ADGRL3: variants seen among roughly 807,000 people sequenced by gnomAD.
The protein encoded by ADGRL3 is calcium-independent alpha-latrotoxin receptor 3.
A neutral mutation model predicts 153.5 loss-of-function variants in ADGRL3; 62 were observed. The observed-to-expected ratio is 0.40, with a 90% CI of 0.33 to 0.50. The LOEUF (loss-of-function observed/expected upper bound fraction) is 0.50, where lower values mean the gene tolerates loss of function less well. ADGRL3 is among the 20% of genes least tolerant of loss of function. ADGRL3 has a pLI of 0.47. For missense variants in ADGRL3, 1,641 were observed against 1,859.4 expected, an observed-to-expected ratio of 0.88 and a Z score of 2.16; for synonymous variants, 710 against 672.5, an observed-to-expected ratio of 1.06 and a Z score of -0.86.
intron 5 of ADGRL3, among the ~76,000 whole-genome samples, chr4:61,615,937 C>T (rs2091950431): frequency 6.6e-6 from 1 of 152,046 alleles, no homozygotes; most frequent in South Asian, 2.1e-4. Flanking sequence ...AACAAACTTG[C>T]TCTATAATGA....
At chr4:61,941,312 C>G (rs1163774517) in intron 15 of ADGRL3, among the ~76,000 whole-genome samples, 5 of 125,064 alleles carry the variant, frequency 4.0e-5, no homozygotes, top group Non-Finnish European at 6.5e-5. Flanking sequence ...GGTACCAGTA[C>G]CATGCTGTTT....
chr4:62,025,548 C>G (rs989304207), intron 21 of ADGRL3, among the ~76,000 whole-genome samples: 1 of 152,060 alleles, frequency 6.6e-6, no homozygotes, highest in Non-Finnish European at 1.5e-5. Context: ...CTGCTGGCTC[C>G]TTTTCGAATA....
At chr4:61,563,827 G>A (rs901333509) in intron 4 of ADGRL3, among the ~76,000 whole-genome samples, 1 of 152,052 alleles carries the variant, frequency 6.6e-6, no homozygotes, top group Admixed American at 6.6e-5. Flanking sequence ...GGCCAACATG[G>A]TGAAATCCCG....
rs1027260240 is a variant in ADGRL3 at position 61,579,254 on chromosome 4, T to A, written c.260-7973T>A. On this transcript the variant is annotated intron_variant, in intron 4 of 26. Transcript: ENST00000683033. Reference sequence around the variant, plus strand: ...CATTTAGAATTAAATTGGCATATTTTAAAAAATTTCTTTTGAACTAAATAA... The same window carrying A: ...CATTTAGAATTAAATTGGCATATTTAAAAAAATTTCTTTTGAACTAAATAA... Among the ~76,000 whole-genome samples the A allele has an allele frequency of 5.3e-5, 8 of 152,232 alleles. No individual in the cohort carries two copies. In the East Asian group the frequency reaches 5.8e-4, roughly 11 times the overall value.
At chr4:61,886,442 G>A (rs1009616959) in intron 9 of ADGRL3, among the ~76,000 whole-genome samples, 1 of 152,066 alleles carries the variant, frequency 6.6e-6, no homozygotes, top group African/African-American at 2.4e-5. Context: ...TGCTTCTGTA[G>A]TCAGCCAAAA....
At chr4:61,440,025 ATTATTT>A (rs911132766) in intron 2 of ADGRL3, among the ~76,000 whole-genome samples, 3 of 151,916 alleles carry the variant, frequency 2.0e-5, no homozygotes, top group African/African-American at 7.3e-5. Context: ...TGTGCTATGT[ATTATTT>A]TTATTTTTAT....
intron 24 of ADGRL3, among the ~76,000 whole-genome samples, chr4:62,038,934 A>G (rs1053354021): frequency 2.6e-5 from 4 of 151,508 alleles, no homozygotes; most frequent in South Asian, 4.2e-4. Flanking sequence ...GATTCAGTAG[A>G]AAAAAAAAGC....
intron 2 of ADGRL3, among the ~76,000 whole-genome samples, chr4:61,454,926 A>T (rs142838809): frequency 1.3e-3 from 203 of 152,256 alleles, no homozygotes; most frequent in Non-Finnish European, 2.3e-3. Flanking sequence ...CAACTTTCAT[A>T]TTGGAAATTC....
chr4:61,528,591 G>A (rs956753394), intron 4 of ADGRL3, among the ~76,000 whole-genome samples: 1 of 152,070 alleles, frequency 6.6e-6, no homozygotes, highest in Non-Finnish European at 1.5e-5. Flanking sequence ...GTAAGCTCTA[G>A]TAGAAGCTAG....
At chr4:61,491,762 A>G (rs952119050) in intron 2 of ADGRL3, among the ~76,000 whole-genome samples, 1 of 152,068 alleles carries the variant, frequency 6.6e-6, no homozygotes, top group East Asian at 1.9e-4. Context: ...TATTTTTACC[A>G]TTTTATCAAG....
At chr4:61,687,922 A>G (rs2095475190) in intron 6 of ADGRL3, among the ~76,000 whole-genome samples, 1 of 152,022 alleles carries the variant, frequency 6.6e-6, no homozygotes, top group Admixed American at 6.6e-5. Flanking sequence ...TATTTCATGA[A>G]AACTTAATTA....
At chr4:61,355,777 C>A (rs930843334) in intron 1 of ADGRL3, among the ~76,000 whole-genome samples, 4 of 151,870 alleles carry the variant, frequency 2.6e-5, no homozygotes, top group African/African-American at 9.7e-5. Flanking sequence ...AGATCTAGCA[C>A]AGAATAAAAG....
At chr4:61,959,878 T>C (rs1206290605) in intron 17 of ADGRL3, among the ~76,000 whole-genome samples, 1 of 152,178 alleles carries the variant, frequency 6.6e-6, no homozygotes, top group Non-Finnish European at 1.5e-5. Flanking sequence ...ATTTTGTATT[T>C]TGCTATCTAT....
chr4:61,773,351 G>T (rs1380625771), intron 8 of ADGRL3, among the ~76,000 whole-genome samples: 1 of 152,058 alleles, frequency 6.6e-6, no homozygotes, highest in Non-Finnish European at 1.5e-5. Flanking sequence ...TCTTATACTG[G>T]AGTTTTCTTT....
chr4:61,981,677 T>C (rs1412974907), intron 18 of ADGRL3, among the ~76,000 whole-genome samples: 3 of 145,994 alleles, frequency 2.1e-5, no homozygotes, highest in Non-Finnish European at 3.1e-5. Flanking sequence ...TTACTTAAGA[T>C]TTATGCACAT....
chr4:61,891,829 T>A (rs2098588975), intron 9 of ADGRL3, among the ~76,000 whole-genome samples: 1 of 152,186 alleles, frequency 6.6e-6, no homozygotes, highest in Admixed American at 6.5e-5. Context: ...ATGATGAGAA[T>A]ATGAATATAT....
chr4:61,259,152 C>A (rs1416334310), intron 1 of ADGRL3, among the ~76,000 whole-genome samples: 1 of 152,112 alleles, frequency 6.6e-6, no homozygotes, highest in South Asian at 2.1e-4. Flanking sequence ...GGGCCGGGTG[C>A]GGTGGCTAAC....
intron 1 of ADGRL3, among the ~76,000 whole-genome samples, chr4:61,249,112 C>T (rs1226524474): frequency 6.6e-6 from 1 of 152,122 alleles, no homozygotes; most frequent in Non-Finnish European, 1.5e-5. Flanking sequence ...TAAATTCATG[C>T]ATTCAGTCTG....
At position 61,769,524 on chromosome 4, in the gene ADGRL3, C is replaced by T. The variant is rs536826147; in HGVS notation, c.1399+35970C>T. 5.9e-5 allele frequency among the ~76,000 whole-genome samples: 9 copies of T among 152,102 alleles called. No individual in the cohort carries two copies. In the South Asian group the frequency reaches 1.0e-3, roughly 18 times the overall value. The stretch of plus-strand genomic sequence containing the variant: ...ATCTCCCAAGGGAGGTCCCCCGATC[C>T]GAGTCACGGCACCAAATTTCATGCG... On this transcript the variant is annotated intron_variant, in intron 8 of 26. Transcript: ENST00000683033.
Sources: allele counts gnomAD v4.1 joint callset (sites outside exome capture counted in the v4.1 genomes callset), GRCh38; gene constraint gnomAD v4.1.1; transcripts MANE v1.5; gene names NCBI Gene and HGNC (gene_info 2026-07-23, HGNC 2026-07-21).